The following TECRL variants were observed in gnomAD, a reference collection of about 807,000 sequenced individuals.
TECRL encodes the protein trans-2,3-enoyl-CoA reductase-like.
Under a neutral mutation model 52.8 loss-of-function variants are expected in TECRL, and 63 were observed. That is an observed-to-expected ratio of 1.19 (90% CI 0.97 to 1.47). TECRL has a LOEUF of 1.47. TECRL is among the 40% of genes most tolerant of loss of function. TECRL has a pLI of 0.00. For synonymous variants in TECRL, 164 were observed against 141.9 expected (o/e 1.16, Z -1.10); for missense variants, 482 against 429.6 (o/e 1.12, Z -1.08).
intron 5 of TECRL, among the ~76,000 whole-genome samples, 199 bp from the exon 6 acceptor site, chr4:64,310,130 G>A (rs1011259832): frequency 6.6e-6 from 1 of 152,058 alleles, no homozygotes; most frequent in Non-Finnish European, 1.5e-5. Context: ...GCTGTTATAA[G>A]AGTCTCTATA....
intron 2 of TECRL, among the ~76,000 whole-genome samples, chr4:64,374,516 C>T (rs1456926071): frequency 3.3e-5 from 5 of 151,588 alleles, no homozygotes; most frequent in South Asian, 2.1e-4. Context: ...ACCCATTAAC[C>T]CGTCATTTAG....
At chr4:64,398,220 T>G (rs994381775) in intron 1 of TECRL, among the ~76,000 whole-genome samples, 1 of 152,124 alleles carries the variant, frequency 6.6e-6, no homozygotes, top group African/African-American at 2.4e-5. Flanking sequence ...AATTTTCTTA[T>G]GGAAGGTTGT....
At chr4:64,365,311 G>C (rs577719111) in intron 2 of TECRL, among the ~76,000 whole-genome samples, 103 of 151,844 alleles carry the variant, frequency 6.8e-4, no homozygotes, top group Non-Finnish European at 6.9e-4. Context: ...CATTCCACCC[G>C]ATACCGTAAA....
At chr4:64,289,533 T>G (rs1723261811) in intron 9 of TECRL, among the ~76,000 whole-genome samples, 177 bp downstream of exon 9, 1 of 152,122 alleles carries the variant, frequency 6.6e-6, no homozygotes, top group Non-Finnish European at 1.5e-5. Flanking sequence ...AAATCATTAC[T>G]AGAGAATAAG....
At chr4:64,284,435 T>C (rs1175172238) in intron 9 of TECRL, among the ~76,000 whole-genome samples, 2 of 151,288 alleles carry the variant, frequency 1.3e-5, no homozygotes, top group Admixed American at 6.6e-5. Context: ...GGAGAACCAA[T>C]AGGATGCACC....
chr4:64,395,118 C>T (rs1262375582), intron 1 of TECRL, among the ~76,000 whole-genome samples: 2 of 151,822 alleles, frequency 1.3e-5, no homozygotes, highest in Admixed American at 1.3e-4. Flanking sequence ...CCAGGCTGGT[C>T]TATGTTGGCC....
chr4:64,309,485 C>G (rs889394335), intron 6 of TECRL, among the ~76,000 whole-genome samples: 3 of 152,202 alleles, frequency 2.0e-5, no homozygotes, highest in East Asian at 1.9e-4. Flanking sequence ...TAATCCCACA[C>G]AGATGTATAT....
chr4:64,313,470 T>C (rs1446138366), intron 5 of TECRL, among the ~76,000 whole-genome samples: 1 of 140,348 alleles, frequency 7.1e-6, no homozygotes, highest in African/African-American at 2.6e-5. Flanking sequence ...GTTTATTGCC[T>C]TACTCCTTTT....
chr4:64,382,024 T>G (rs1706828937), intron 1 of TECRL, among the ~76,000 whole-genome samples: 1 of 151,754 alleles, frequency 6.6e-6, no homozygotes, highest in African/African-American at 2.4e-5. Context: ...TAGTTCTTAT[T>G]TACAAGTTTG....
chr4:64,352,802 C>T (rs1489233374), intron 2 of TECRL, among the ~76,000 whole-genome samples: 2 of 152,092 alleles, frequency 1.3e-5, no homozygotes, highest in African/African-American at 2.4e-5. Flanking sequence ...TTCTTGTCTT[C>T]GATGCTCATT....
chr4:64,365,086 G>GGTTCAA (rs1721499459), intron 2 of TECRL, among the ~76,000 whole-genome samples: 2 of 151,810 alleles, frequency 1.3e-5, no homozygotes, highest in Non-Finnish European at 1.5e-5. Flanking sequence ...TTGAACAGGT[G>GGTTCAA]GTTCAAGGTA....
At chr4:64,343,599 C>T (rs1390088514) in intron 2 of TECRL, among the ~76,000 whole-genome samples, 1 of 152,000 alleles carries the variant, frequency 6.6e-6, no homozygotes, top group African/African-American at 2.4e-5. Context: ...CACACACACA[C>T]ACACACTTAC....
chr4:64,365,341 T>C (rs4860157), intron 2 of TECRL, among the ~76,000 whole-genome samples: 136,689 of 152,066 alleles, frequency 0.9, 62,086 homozygotes, highest in East Asian at 1. Flanking sequence ...GAGTCCGACT[T>C]TTACCATTCC....
chr4:64,329,967 T>C (rs1299197594), intron 2 of TECRL, among the ~76,000 whole-genome samples: 5 of 150,054 alleles, frequency 3.3e-5, no homozygotes, highest in East Asian at 1.9e-4. Flanking sequence ...ACTATTTTAT[T>C]GTACTATTTA....
chr4:64,379,590 T>C (rs959146401), intron 1 of TECRL, among the ~76,000 whole-genome samples: 13 of 152,258 alleles, frequency 8.5e-5, no homozygotes, highest in African/African-American at 3.1e-4. Context: ...TTCTGTTATC[T>C]AACTCTATGT....
intron 7 of TECRL, among the ~76,000 whole-genome samples, chr4:64,301,935 A>G (rs955524588): frequency 4.4e-4 from 67 of 151,328 alleles, no homozygotes; most frequent in African/African-American, 1.5e-3. Flanking sequence ...AGTCATTATA[A>G]CACTTATTAA....
chr4:64,330,913 C>T (rs1026872799), intron 2 of TECRL, among the ~76,000 whole-genome samples: 14 of 152,000 alleles, frequency 9.2e-5, no homozygotes, highest in African/African-American at 3.1e-4. Flanking sequence ...TATAGACACG[C>T]ATATAACTAT....
At chr4:64,337,827 G>T (rs1312612821) in intron 2 of TECRL, among the ~76,000 whole-genome samples, 1 of 152,154 alleles carries the variant, frequency 6.6e-6, no homozygotes, top group Non-Finnish European at 1.5e-5. Flanking sequence ...TGGATAGGAA[G>T]AATCAATATC....
intron 2 of TECRL, among the ~76,000 whole-genome samples, chr4:64,367,474 T>A (rs1166292739): frequency 6.6e-6 from 1 of 152,138 alleles, no homozygotes; most frequent in Non-Finnish European, 1.5e-5. Flanking sequence ...AATTTGTGCA[T>A]GTATGTGGGC....
Sources: allele counts gnomAD v4.1 joint callset (sites outside exome capture counted in the v4.1 genomes callset), GRCh38; gene constraint gnomAD v4.1.1; transcripts MANE v1.5; gene names NCBI Gene and HGNC (gene_info 2026-07-23, HGNC 2026-07-21).